The following FMNL2 variants were observed in gnomAD, a reference collection of about 807,000 sequenced individuals.
FMNL2 encodes the protein formin like 2.
A neutral mutation model predicts 130.2 loss-of-function variants in FMNL2; 51 were observed. The ratio of observed to expected loss-of-function variants is 0.39; its 90% CI spans 0.31 to 0.49. The LOEUF is 0.49. Ranked by LOEUF, FMNL2 falls within the 20% of genes least tolerant of loss-of-function variation. FMNL2 has a pLI of 0.85. For missense variants in FMNL2, 977 were observed against 1,316.2 expected (o/e 0.74, Z 3.99); for synonymous variants, 465 against 467.1 (o/e 1.00, Z 0.06).
intron 1 of FMNL2, among the ~76,000 whole-genome samples, chr2:152,388,310 A>G (rs1453973483): frequency 6.6e-6 from 1 of 152,226 alleles, no homozygotes. Flanking sequence ...ATAAAGGAAG[A>G]GGTTTAATTG....
At chr2:152,505,917 G>A (rs181043338) in intron 1 of FMNL2, among the ~76,000 whole-genome samples, 106 of 152,266 alleles carry the variant, frequency 7.0e-4, no homozygotes, top group Admixed American at 2.6e-4. Flanking sequence ...GTGAAAGGGG[G>A]CATTGTTAAT....
intron 9 of FMNL2, among the ~76,000 whole-genome samples, chr2:152,582,306 C>T (rs1460183635): frequency 1.3e-5 from 2 of 152,180 alleles, no homozygotes; most frequent in African/African-American, 4.8e-5. Context: ...ATTTACTGCC[C>T]AGCTGCCAAA....
At chr2:152,523,428 C>T (rs1693214256) in intron 2 of FMNL2, among the ~76,000 whole-genome samples, 2 of 152,166 alleles carry the variant, frequency 1.3e-5, no homozygotes, top group Non-Finnish European at 2.9e-5. Context: ...GGCTTCATCT[C>T]ATTATTCCTG....
Position 152,443,668 on chromosome 2 carries a change from C to T in FMNL2, c.118-78275C>T, listed in dbSNP as rs970559751. Among the ~76,000 whole-genome samples the T allele has an allele frequency of 6.1e-4, 92 of 151,846 alleles. 1 individual carries two copies. Among genetic ancestry groups the T allele is most frequent in the African/African-American group, 2.2e-3 (91 of 41,432 alleles). ...GACCAGGCTAACCAACACAGTGAAA[C>T]CCCGTCTCTACGAAAAATACAAAAG... On this transcript the variant is annotated intron_variant, in intron 1 of 25. Transcript: ENST00000288670.
At chr2:152,622,418 G>C (rs1208036752) in intron 15 of FMNL2, 2 of 452,212 alleles carry the variant, frequency 4.4e-6, no homozygotes, top group Admixed American at 4.7e-5. Context: ...GTGCCGCCTT[G>C]TGAAATGTGT....
At chr2:152,570,269 C>G (rs1298065107) in intron 6 of FMNL2, among the ~76,000 whole-genome samples, 2 of 152,176 alleles carry the variant, frequency 1.3e-5, no homozygotes, top group African/African-American at 4.8e-5. Context: ...ACTGGCAGCT[C>G]TTCCAAGATA....
chr2:152,519,800 C>T (rs1692982128), intron 1 of FMNL2, among the ~76,000 whole-genome samples: 1 of 152,192 alleles, frequency 6.6e-6, no homozygotes, highest in Non-Finnish European at 1.5e-5. Flanking sequence ...TACTTGGCAC[C>T]TTGTAGGAGT....
chr2:152,643,567 CT>C (rs1683285409), intron 25 of FMNL2: 43 of 1,533,722 alleles, frequency 2.8e-5, no homozygotes, highest in Non-Finnish European at 3.5e-5. Context: ...TTTTTGATGT[CT>C]TATGTCCCCC....
chr2:152,645,651 T>C, intron 25 of FMNL2: 1 of 458,686 alleles, frequency 2.2e-6, no homozygotes, highest in South Asian at 2.0e-5. Context: ...CACATTCCAA[T>C]GATGCAGGGA....
intron 1 of FMNL2, among the ~76,000 whole-genome samples, chr2:152,496,828 A>G (rs1026222939): frequency 6.6e-6 from 1 of 151,790 alleles, no homozygotes; most frequent in East Asian, 1.9e-4. Context: ...TTGGCTTGTA[A>G]TGTTCTTTTG....
intron 1 of FMNL2, among the ~76,000 whole-genome samples, chr2:152,419,447 G>A (rs996239885): frequency 1.3e-5 from 2 of 152,048 alleles, no homozygotes; most frequent in South Asian, 4.1e-4. Context: ...TGAAGTAAGC[G>A]AAACACAGAA....
intron 1 of FMNL2, among the ~76,000 whole-genome samples, chr2:152,414,731 CT>C (rs1686510427): frequency 1.3e-5 from 2 of 152,170 alleles, no homozygotes; most frequent in East Asian, 1.9e-4. Context: ...AAGCTCAAGT[CT>C]TTACAACTCT....
chr2:152,364,314 G>A (rs1260265707), intron 1 of FMNL2, among the ~76,000 whole-genome samples: 3 of 108,740 alleles, frequency 2.8e-5, no homozygotes, highest in Non-Finnish European at 3.4e-5. Flanking sequence ...AGATATTAAG[G>A]TTAAAATTTA....
intron 1 of FMNL2, among the ~76,000 whole-genome samples, chr2:152,346,385 T>C (rs1414943684): frequency 6.6e-6 from 1 of 152,028 alleles, no homozygotes; most frequent in African/African-American, 2.4e-5. Flanking sequence ...GTGGCTCACA[T>C]CTGTAATTCC....
chr2:152,375,871 CTCTCTCTA>C (rs1255529140), intron 1 of FMNL2, among the ~76,000 whole-genome samples: 5 of 114,582 alleles, frequency 4.4e-5, no homozygotes, highest in African/African-American at 6.5e-5. Flanking sequence ...CTCTCTCTCT[CTCTCTCTA>C]TATATATATA....
chr2:152,412,455 T>C (rs1277924138), intron 1 of FMNL2, among the ~76,000 whole-genome samples: 38 of 7,004 alleles, frequency 5.4e-3, no homozygotes, highest in Non-Finnish European at 0.011. Context: ...TTTATATATA[T>C]ATATATATAT....
At chr2:152,483,820 G>C (rs1171086816) in intron 1 of FMNL2, among the ~76,000 whole-genome samples, 2 of 152,180 alleles carry the variant, frequency 1.3e-5, no homozygotes, top group East Asian at 1.9e-4. Flanking sequence ...GTAGCTAATA[G>C]CTAGCATTTG....
chr2:152,542,853 C>G (rs1197423995), intron 3 of FMNL2, 34 bp downstream of exon 3: 1 of 1,603,070 alleles, frequency 6.2e-7, no homozygotes, highest in South Asian at 1.1e-5. Context: ...TTTGTTATTG[C>G]TTCCTTATTA....
intron 25 of FMNL2, among the ~76,000 whole-genome samples, chr2:152,646,171 C>A (rs1432559718): frequency 2.1e-3 from 233 of 112,308 alleles, no homozygotes; most frequent in South Asian, 5.7e-3. Flanking sequence ...AAAAAAAAAA[C>A]AAACAAACAA....
Sources: gnomAD v4.1 joint callset for allele counts (sites outside exome capture counted in the v4.1 genomes callset) on GRCh38, gnomAD v4.1.1 for gene constraint, MANE v1.5 for transcripts, NCBI Gene and HGNC (gene_info 2026-07-23, HGNC 2026-07-21) for gene names.